IL21R: variants seen among roughly 807,000 people sequenced by gnomAD.
IL21R encodes interleukin 21 receptor, also known as interleukin-21 receptor.
A neutral mutation model predicts 41.3 loss-of-function variants in IL21R; 14 were observed. The ratio of observed to expected loss-of-function variants is 0.34; its 90% CI spans 0.22 to 0.53. IL21R has a LOEUF of 0.53. Ranked by LOEUF, IL21R falls within the 20% of genes least tolerant of loss-of-function variation. IL21R has a pLI of 0.94. For missense variants in IL21R, 588 were observed against 681.6 expected (o/e 0.86, Z 1.53); for synonymous variants, 286 against 287.6 (o/e 0.99, Z 0.05).
intron 1 of IL21R, among the ~76,000 whole-genome samples, chr16:27,417,800 C>A (rs1371537009): frequency 6.6e-6 from 1 of 152,020 alleles, no homozygotes; most frequent in South Asian, 2.1e-4. Flanking sequence ...AACGGCACAC[C>A]TGTGTAGGGC....
rs563479112 is a variant in IL21R at position 27,434,600 on chromosome 16, G to A, written c.152+151G>A. ...ACAGGACTTGAAAAGTCAGGAGCCC[G>A]CAGGGTTGGTCTATCCACCAGCTTC... On this transcript the variant is annotated intron_variant, in intron 3 of 8. Transcript: ENST00000337929. The A allele has an allele frequency of 7.6e-4, 461 of 604,470 alleles. 4 individuals are homozygous for A. The highest frequency in any genetic ancestry group is 5.8e-3 in the South Asian group (296 of 50,612). The allele number at this position is 604,470 out of a possible 1,614,324, so 37.4% of individuals were successfully genotyped here.
intron 1 of IL21R, among the ~76,000 whole-genome samples, chr16:27,420,458 C>T (rs571952198): frequency 7.9e-5 from 12 of 152,334 alleles, no homozygotes; most frequent in East Asian, 5.8e-4. Context: ...TCTCACCCTC[C>T]GCCCCCTCAT....
chr16:27,443,280 C>T (rs926484344), intron 5 of IL21R, among the ~76,000 whole-genome samples, 164 bp downstream of exon 5: 5 of 152,172 alleles, frequency 3.3e-5, no homozygotes, highest in Non-Finnish European at 7.3e-5. Flanking sequence ...CCTCCCCTCA[C>T]TTCTCCCCAA....
At chr16:27,439,704 T>TTG (rs1021765026) in intron 4 of IL21R, among the ~76,000 whole-genome samples, 4 of 152,162 alleles carry the variant, frequency 2.6e-5, no homozygotes, top group African/African-American at 9.7e-5. Flanking sequence ...TCCTTGCCAC[T>TTG]TGTCTTGCAG....
At chr16:27,405,135 C>T (rs1336631378) in intron 1 of IL21R, among the ~76,000 whole-genome samples, 5 of 151,816 alleles carry the variant, frequency 3.3e-5, no homozygotes, top group Non-Finnish European at 7.4e-5. Context: ...CAGGTTCAAG[C>T]GATTCTCCTG....
At chr16:27,409,572 C>A (rs1176080554) in intron 1 of IL21R, among the ~76,000 whole-genome samples, 1 of 151,082 alleles carries the variant, frequency 6.6e-6, no homozygotes, top group Non-Finnish European at 1.5e-5. Flanking sequence ...TCAAGGTTTA[C>A]TTTTTCCATA....
chr16:27,445,584 C>T (rs1050217587), intron 7 of IL21R, among the ~76,000 whole-genome samples: 2 of 152,158 alleles, frequency 1.3e-5, no homozygotes, highest in Non-Finnish European at 2.9e-5. Context: ...AATCTGTGCC[C>T]TTAAACAGGG....
rs2087552280 is a variant in IL21R, at chr16:27,449,458, A to ATATG, written c.*176_*177insATGT. 1 of 600,440 alleles carries ATATG rather than the reference A, an allele frequency of 1.7e-6. No homozygotes were observed. The allele number at this position is 600,440 out of a possible 1,614,324, so 37.2% of individuals were successfully genotyped here. Reference sequence around the variant, plus strand: ...TGCATATGTGTGTGTGTGCATATGCATGTGTGTGTGTGTGTGTGTCTTAGG... The same window carrying ATATG: ...TGCATATGTGTGTGTGTGCATATGCATATGTGTGTGTGTGTGTGTGTGTCTTAGG... On this transcript the variant is annotated 3_prime_UTR_variant, in exon 9 of 9. Coordinates refer to ENST00000337929, the MANE Select transcript of IL21R (RefSeq NM_181078.3).
Position 27,444,585 on chromosome 16 carries a change from C to T in IL21R, c.551C>T (p.Ser184Phe). ...KLISVDSRSVSLLPLEFRKDS... is the reference protein window; with the variant it reads ...KLISVDSRSVFLLPLEFRKDS... ...ATCTCAGTGGACTCAAGAAGTGTCT[C>T]CCTCCTCCCCCTGGAGTTCCGCAAA... is the stretch of plus-strand genomic sequence containing the variant. Residue 184 changes from serine (S) to phenylalanine (F), a missense_variant, in exon 6 of 9, where the codon TCC becomes TTC. Ser to Phe is a radical substitution (Grantham distance 155, BLOSUM62 -2). Transcript: ENST00000337929. 6.4e-7 allele frequency: 1 copy of T among 1,568,948 alleles called. No individual in the cohort carries two copies. The highest frequency in any genetic ancestry group is 8.6e-7 in the Non-Finnish European group (1 of 1,158,490).
At chr16:27,425,517 C>T (rs2087061489) in intron 1 of IL21R, among the ~76,000 whole-genome samples, 2 of 151,992 alleles carry the variant, frequency 1.3e-5, no homozygotes, top group South Asian at 2.1e-4. Context: ...TTGGTGCTAT[C>T]GCATCTTAAA....
At chr16:27,438,687 G>A (rs2087317020) in intron 4 of IL21R, among the ~76,000 whole-genome samples, 1 of 152,062 alleles carries the variant, frequency 6.6e-6, no homozygotes, top group Non-Finnish European at 1.5e-5. Context: ...GGGCAACATG[G>A]TGAAACCCCA....
intron 8 of IL21R, chr16:27,447,844 G>T (rs2087510106): frequency 6.6e-6 from 1 of 152,308 alleles, no homozygotes; most frequent in South Asian, 2.1e-4. Flanking sequence ...GCAGGAGATG[G>T]CTCAGGGGTA....
rs3093375 is a variant in IL21R at position 27,445,837 on chromosome 16, T to G, written c.786-170T>G. 0.34 allele frequency among the ~76,000 whole-genome samples: 52,269 copies of G among 151,874 alleles called. 9,558 individuals carry two copies. The highest frequency in any genetic ancestry group is 0.48 in the African/African-American group (19,881 of 41,382). ...CAGGAGCCTGTGAGGGAGACTTACT[T>G]CTCCCATTTTACAGAAGGGGAAACC... On this transcript the variant is annotated intron_variant, in intron 7 of 8. Transcript: ENST00000337929.
At chr16:27,434,864 CA>C (rs1359952289) in intron 3 of IL21R, among the ~76,000 whole-genome samples, 1 of 152,176 alleles carries the variant, frequency 6.6e-6, no homozygotes, top group African/African-American at 2.4e-5. Context: ...AGCTGGGATT[CA>C]AATTCAGACC....
chr16:27,446,836 C>T (rs2087489370), intron 8 of IL21R, among the ~76,000 whole-genome samples: 1 of 152,212 alleles, frequency 6.6e-6, no homozygotes, highest in African/African-American at 2.4e-5. Flanking sequence ...CCAGCACCCA[C>T]AGGTTGTCTG....
At chr16:27,404,891 T>C (rs1328588622) in intron 1 of IL21R, among the ~76,000 whole-genome samples, 1 of 152,156 alleles carries the variant, frequency 6.6e-6, no homozygotes, top group Non-Finnish European at 1.5e-5. Flanking sequence ...CTATTCTTCA[T>C]GGAACATCTA....
chr16:27,418,563 G>A (rs1478637027), intron 1 of IL21R, among the ~76,000 whole-genome samples: 1 of 151,866 alleles, frequency 6.6e-6, no homozygotes, highest in Non-Finnish European at 1.5e-5. Context: ...GTAGAGACGG[G>A]GTTTCACCAT....
intron 1 of IL21R, among the ~76,000 whole-genome samples, chr16:27,421,350 A>G (rs2086997789): frequency 6.6e-6 from 1 of 151,538 alleles, no homozygotes; most frequent in Admixed American, 6.6e-5. Flanking sequence ...AAAAAAAAAA[A>G]AAAAAAAAGA....
chr16:27,427,928 C>T (rs2087105608), intron 1 of IL21R, among the ~76,000 whole-genome samples: 1 of 152,112 alleles, frequency 6.6e-6, no homozygotes, highest in Non-Finnish European at 1.5e-5. Flanking sequence ...GATGTTATTG[C>T]TTAGGATGAT....
Sources: gnomAD v4.1 joint callset for allele counts (sites outside exome capture counted in the v4.1 genomes callset) on GRCh38, gnomAD v4.1.1 for gene constraint, MANE v1.5 for transcripts, NCBI Gene and HGNC (gene_info 2026-07-23, HGNC 2026-07-21) for gene names.